DCDC2C: variants seen among roughly 807,000 people sequenced by gnomAD.
DCDC2C encodes the protein doublecortin domain containing 2C.
A neutral mutation model predicts 45.0 loss-of-function variants in DCDC2C; 44 were observed. The observed-to-expected ratio is 0.98, with a 90% CI of 0.77 to 1.26. DCDC2C has a LOEUF of 1.26. Ranked by LOEUF, DCDC2C falls within the 50% of genes most tolerant of loss-of-function variation. The pLI, the probability that DCDC2C is intolerant of heterozygous loss-of-function variation, is 0.00. For missense variants in DCDC2C, 447 were observed against 468.9 expected (o/e 0.95, Z 0.43); for synonymous variants, 187 against 178.8 (o/e 1.05, Z -0.37).
At chr2:3,760,730 C>T (rs555429775) in intron 6 of DCDC2C, among the ~76,000 whole-genome samples, 2 of 152,028 alleles carry the variant, frequency 1.3e-5, no homozygotes, top group East Asian at 1.9e-4. Context: ...CTAATGCATG[C>T]GGGGCTTAAA....
chr2:3,814,161 T>C (rs1205948308), intron 10 of DCDC2C, among the ~76,000 whole-genome samples: 1 of 152,210 alleles, frequency 6.6e-6, no homozygotes, highest in Non-Finnish European at 1.5e-5. Context: ...GGTACTCCAG[T>C]CAATTGTAGG....
At chr2:3,777,151 C>T (rs1465078137) in intron 8 of DCDC2C, among the ~76,000 whole-genome samples, 1 of 152,218 alleles carries the variant, frequency 6.6e-6, no homozygotes, top group Non-Finnish European at 1.5e-5. Flanking sequence ...CATGCTGCTC[C>T]ATGCACCAGG....
intron 4 of DCDC2C, among the ~76,000 whole-genome samples, chr2:3,745,134 C>T (rs780069401): frequency 8.5e-5 from 13 of 152,128 alleles, no homozygotes; most frequent in African/African-American, 1.7e-4. Flanking sequence ...TACAGACGCC[C>T]GCCACCATGC....
At chr2:3,745,265 C>T (rs1669328565) in intron 4 of DCDC2C, among the ~76,000 whole-genome samples, 1 of 152,164 alleles carries the variant, frequency 6.6e-6, no homozygotes, top group Non-Finnish European at 1.5e-5. Context: ...AGATTATGGG[C>T]ATGAGCCACT....
intron 7 of DCDC2C, chr2:3,768,913 G>A (rs1670086543): frequency 6.1e-6 from 1 of 165,126 alleles, no homozygotes; most frequent in Admixed American, 5.9e-5. Flanking sequence ...TTACTTTGCT[G>A]TCCAGTGGGG....
chr2:3,708,553 A>G lies in DCDC2C; in HGVS notation c.292A>G (p.Ile98Val), dbSNP rs1558556800. ...TTCTTCTTTCTTCTTTTGCAGTTAT[A>G]TTCATATAGTTCCCCGAAAACCTGC... Reference protein sequence around the residue: ...GRERFKELDYIHIVPRKPAKI... With the variant: ...GRERFKELDYVHIVPRKPAKI... The change falls in exon 2 of 11, where the codon ATT (isoleucine) becomes GTT (valine). Residue 98 changes from isoleucine to valine, a missense_variant. Coordinates refer to ENST00000399143, the MANE Select transcript of DCDC2C (RefSeq NM_001287444.2). 4 of 1,545,026 alleles carry G rather than the reference A, an allele frequency of 2.6e-6. No homozygotes were observed. Among genetic ancestry groups the G allele is most frequent in the Admixed American group, 2.0e-5 (1 of 50,414 alleles).
rs1030829697 is a variant in DCDC2C, at chr2:3,741,981, C to T, written c.478C>T (p.Leu160=). 3.9e-6 allele frequency: 6 copies of T among 1,548,968 alleles called. No homozygotes were observed. The African/African-American group carries it at 6.8e-5, about 18-fold the overall frequency. ...PAKIIIPKFS[L]SDWDIVLATI... ...AAAAATCATTATACCCAAATTTAGT[C>T]TGTCCGATTGGGACATCGTGCTGGC... Residue 160 remains leucine (L), a synonymous_variant, in exon 4 of 11, where the codon CTG becomes TTG. Transcript: ENST00000399143.
In DCDC2C at chr2:3,762,652, G is replaced by C. The variant is rs999682730; in HGVS notation, c.727-5102G>C. On this transcript the variant is annotated intron_variant, in intron 6 of 10. Coordinates refer to ENST00000399143, the MANE Select transcript of DCDC2C (RefSeq NM_001287444.2). ...ATCTCGTGAGAACTCACTCACTGCT[G>C]TGAGGACACATCAAGCTATCAGAGG... Among the ~76,000 whole-genome samples the C allele has an allele frequency of 7.2e-5, 11 of 152,270 alleles. No individual in the cohort carries two copies. The East Asian group carries it at 1.9e-3, about 27-fold the overall frequency.
At chr2:3,717,962 G>T (rs1366533315) in intron 2 of DCDC2C, among the ~76,000 whole-genome samples, 1 of 152,188 alleles carries the variant, frequency 6.6e-6, no homozygotes, top group Non-Finnish European at 1.5e-5. Context: ...CCTAGTGAGG[G>T]TCAGATGTTC....
intron 3 of DCDC2C, among the ~76,000 whole-genome samples, chr2:3,739,553 C>T (rs1176693345): frequency 6.6e-6 from 1 of 152,228 alleles, no homozygotes; most frequent in Admixed American, 6.5e-5. Context: ...ACCGGCAGGC[C>T]GCCGACCGGC....
chr2:3,806,799 G>A (rs1331341043), intron 10 of DCDC2C, among the ~76,000 whole-genome samples: 1 of 152,012 alleles, frequency 6.6e-6, no homozygotes, highest in African/African-American at 2.4e-5. Flanking sequence ...CGCCCACCTT[G>A]GCCCTGCAAA....
At chr2:3,757,818 C>T (rs1669762630) in intron 6 of DCDC2C, among the ~76,000 whole-genome samples, 1 of 152,218 alleles carries the variant, frequency 6.6e-6, no homozygotes, top group Non-Finnish European at 1.5e-5. Context: ...CCCATCTCCA[C>T]AGTTCCAACA....
intron 2 of DCDC2C, among the ~76,000 whole-genome samples, chr2:3,718,100 G>T (rs934150763): frequency 1.3e-5 from 2 of 152,194 alleles, no homozygotes; most frequent in African/African-American, 4.8e-5. Context: ...AGTGGTGTTG[G>T]TCTTTTCCAC....
chr2:3,812,465 T>C (rs1185869774), intron 10 of DCDC2C, among the ~76,000 whole-genome samples: 2 of 152,188 alleles, frequency 1.3e-5, no homozygotes, highest in African/African-American at 4.8e-5. Flanking sequence ...TATTTGATTC[T>C]CTTCTCTTGT....
At chr2:3,813,767 T>C (rs1448961066) in intron 10 of DCDC2C, among the ~76,000 whole-genome samples, 1 of 147,186 alleles carries the variant, frequency 6.8e-6, no homozygotes, top group Non-Finnish European at 1.5e-5. Context: ...ATTTGCTTGG[T>C]AAATTTTCCT....
Position 3,741,003 on chromosome 2 carries a change from C to A in DCDC2C, c.417-917C>A, listed in dbSNP as rs144141493. Among the ~76,000 whole-genome samples, 1,152 of 152,166 alleles carry A rather than the reference C, an allele frequency of 7.6e-3. 11 individuals are homozygous for A. The highest frequency in any genetic ancestry group is 0.012 in the Non-Finnish European group (842 of 67,984). ...TTTATTATTTTTAGACTCGATACAC[C>A]TTGTATTTTACATTATTTTAATGTG... is the stretch of plus-strand genomic sequence containing the variant. On this transcript the variant is annotated intron_variant, in intron 3 of 10. Transcript: ENST00000399143.
At chr2:3,713,343 G>A (rs1054435450) in intron 2 of DCDC2C, among the ~76,000 whole-genome samples, 7 of 152,184 alleles carry the variant, frequency 4.6e-5, no homozygotes, top group African/African-American at 1.4e-4. Context: ...GGGAAAACGC[G>A]GGGAGCCAGC....
rs1023756301 is a variant in DCDC2C, at chr2:3,778,576, C to T, written c.955-240C>T. Reference sequence around the variant, plus strand: ...TGACCAGAGGTCTCTGGAGCGCCCACGCCACTCCTTAGAAGAAAGAGGTTT... The same window carrying T: ...TGACCAGAGGTCTCTGGAGCGCCCATGCCACTCCTTAGAAGAAAGAGGTTT... On this transcript the variant is annotated intron_variant, in intron 8 of 10. Coordinates refer to ENST00000399143, the MANE Select transcript of DCDC2C (RefSeq NM_001287444.2). Among the ~76,000 whole-genome samples the T allele has an allele frequency of 4.6e-5, 7 of 152,150 alleles. No individual in the cohort carries two copies. The East Asian group carries it at 5.8e-4, about 13-fold the overall frequency.
chr2:3,799,553 A>T (rs1349998890), intron 10 of DCDC2C, among the ~76,000 whole-genome samples: 1 of 151,332 alleles, frequency 6.6e-6, no homozygotes, highest in Non-Finnish European at 1.5e-5. Context: ...TTTGGTGTGG[A>T]TGTCCTTTCT....
Sources: allele counts gnomAD v4.1 joint callset (sites outside exome capture counted in the v4.1 genomes callset), GRCh38; gene constraint gnomAD v4.1.1; transcripts MANE v1.5; gene names NCBI Gene and HGNC (gene_info 2026-07-23, HGNC 2026-07-21).